CUL1: variants seen among roughly 807,000 people sequenced by gnomAD.
The protein encoded by CUL1 is cullin-1.
In CUL1, 24 loss-of-function variants were observed where a neutral mutation model predicts 118.0. The ratio of observed to expected loss-of-function variants is 0.20; its 90% CI spans 0.15 to 0.29. The LOEUF (loss-of-function observed/expected upper bound fraction) is 0.29, where lower values mean the gene tolerates loss of function less well. Ranked by LOEUF, CUL1 falls within the 10% of genes least tolerant of loss-of-function variation. The pLI, the probability that CUL1 is intolerant of heterozygous loss-of-function variation, is 1.00. For synonymous variants in CUL1, 332 were observed against 340.4 expected, an observed-to-expected ratio of 0.98 and a Z score of 0.27; for missense variants, 361 against 933.8, an observed-to-expected ratio of 0.39 and a Z score of 7.99.
In CUL1 at chr7:148,800,796, T is replaced by C; in HGVS notation, c.*214T>C. 2.0e-6 allele frequency: 1 copy of C among 487,856 alleles called. No individual in the cohort carries two copies. Among genetic ancestry groups the C allele is most frequent in the Admixed American group, 3.6e-5 (1 of 27,612 alleles). The allele number at this position is 487,856 out of a possible 1,614,324, so 30.2% of individuals were successfully genotyped here. ...TGTAAATACGGACACCAACGCCATT[T>C]ACCCTAATTTAAGAACAGCGGGGAC... On this transcript the variant is annotated 3_prime_UTR_variant, in exon 22 of 22. Transcript: ENST00000325222. This position sits in a 1 kb window ranked among gnomAD's most constrained non-coding sequence, Gnocchi z 4.6.
intron 9 of CUL1, among the ~76,000 whole-genome samples, 197 bp downstream of exon 9, chr7:148,767,946 G>A (rs557325706): frequency 2.0e-5 from 3 of 152,000 alleles, no homozygotes; most frequent in Non-Finnish European, 4.4e-5. Context: ...TTTTTCCCTC[G>A]CACTTTTTAG....
chr7:148,735,240 G>A (rs1798900096), intron 2 of CUL1, among the ~76,000 whole-genome samples: 1 of 152,212 alleles, frequency 6.6e-6, no homozygotes, highest in East Asian at 1.9e-4. Flanking sequence ...GGGGGTCGGG[G>A]CACTTTTTCA....
intron 2 of CUL1, among the ~76,000 whole-genome samples, chr7:148,737,387 A>G (rs1487613350): frequency 1.3e-5 from 2 of 151,944 alleles, no homozygotes; most frequent in African/African-American, 4.8e-5. Flanking sequence ...TTTGCTTTGT[A>G]TGGGATATTT....
At chr7:148,774,672 A>G (rs959722993) in intron 9 of CUL1, among the ~76,000 whole-genome samples, 1 of 152,162 alleles carries the variant, frequency 6.6e-6, no homozygotes, top group Non-Finnish European at 1.5e-5. Context: ...CCTCTTTGAA[A>G]CCATATCTTG....
chr7:148,748,297 T>C (rs1230312720), intron 2 of CUL1, among the ~76,000 whole-genome samples: 1 of 152,182 alleles, frequency 6.6e-6, no homozygotes, highest in Non-Finnish European at 1.5e-5. Context: ...TGTGGTGATT[T>C]ACAGTAGACA....
intron 2 of CUL1, among the ~76,000 whole-genome samples, chr7:148,741,427 A>G (rs1312583977): frequency 2.1e-5 from 3 of 143,468 alleles, no homozygotes; most frequent in Admixed American, 7.0e-5. Flanking sequence ...GTTGTGTTGT[A>G]TTTATTTATT....
upstream of CUL1, chr7:148,698,498 G>A (rs1394883489): frequency 1.3e-5 from 2 of 152,180 alleles, no homozygotes; most frequent in Admixed American, 6.5e-5. Flanking sequence ...GCGCCGGGTC[G>A]GGGATGTCTC....
intron 3 of CUL1, among the ~76,000 whole-genome samples, chr7:148,754,839 T>C (rs760761103): frequency 2.3e-4 from 35 of 152,152 alleles, no homozygotes; most frequent in Non-Finnish European, 4.1e-4. Flanking sequence ...CTCCAACTCC[T>C]GGGATCAAAC....
intron 20 of CUL1, 149 bp from the exon 21 acceptor site, chr7:148,799,126 C>T (rs1801305667): frequency 3.3e-6 from 2 of 602,546 alleles, no homozygotes; most frequent in Non-Finnish European, 2.9e-6. Context: ...GTTCCCTCTC[C>T]CGTCTCACCT....
intron 9 of CUL1, among the ~76,000 whole-genome samples, chr7:148,768,181 T>G (rs1800067820): frequency 6.6e-6 from 1 of 152,106 alleles, no homozygotes; most frequent in Non-Finnish European, 1.5e-5. Context: ...TTTATAGCAT[T>G]TCTCTACACC....
intron 7 of CUL1, 72 bp downstream of exon 7, chr7:148,760,568 A>G (rs1364031491): frequency 1.9e-6 from 2 of 1,079,092 alleles, no homozygotes; most frequent in African/African-American, 1.6e-5. Flanking sequence ...TCTTTTTAGC[A>G]TATACAGCTT....
intron 7 of CUL1, among the ~76,000 whole-genome samples, chr7:148,760,818 A>C (rs1799803955): frequency 6.6e-6 from 1 of 152,246 alleles, no homozygotes; most frequent in African/African-American, 2.4e-5. Context: ...AATTTTAAGA[A>C]ACAAATATTT....
intron 4 of CUL1, among the ~76,000 whole-genome samples, chr7:148,759,044 A>C (rs570010514): frequency 6.6e-5 from 10 of 152,352 alleles, no homozygotes; most frequent in African/African-American, 2.4e-4. Flanking sequence ...CGGTTTTTAA[A>C]CTTTTCCTAT....
At chr7:148,749,033 A>G (rs1045569860) in intron 2 of CUL1, among the ~76,000 whole-genome samples, 5 of 152,340 alleles carry the variant, frequency 3.3e-5, no homozygotes, top group African/African-American at 9.6e-5. Context: ...TGTAGTATGA[A>G]CATTTTATAT....
In CUL1 at chr7:148,787,244, C is replaced by CTT; in HGVS notation, c.1479+124_1479+125insTT. 1.1e-6 allele frequency: 1 copy of CTT among 894,540 alleles called. No individual in the cohort carries two copies. The highest frequency in any genetic ancestry group is 1.7e-6 in the Non-Finnish European group (1 of 596,468). The allele number at this position is 894,540 out of a possible 1,614,324, so 55.4% of individuals were successfully genotyped here. ...TTGGGAGGCCGAGGCGGGCAGATCA[C>CTT]GAGGTCAGGAGATCGAGACCATCCT... On this transcript the variant is annotated intron_variant, in intron 13 of 21. Transcript: ENST00000325222. This position sits in a 1 kb window ranked among gnomAD's most constrained non-coding sequence, Gnocchi z 5.5.
At position 148,730,004 on chromosome 7, in the gene CUL1, TC is replaced by T. The variant is rs1355628929; in HGVS notation, c.-117del. The T allele has an allele frequency of 5.3e-6, 6 of 1,136,282 alleles. No homozygotes were observed. The highest frequency in any genetic ancestry group is 6.2e-6 in the Non-Finnish European group (5 of 811,536). 70.4% of individuals were successfully genotyped at this position (1,136,282 alleles called of 1,614,324 possible). On this transcript the variant is annotated 5_prime_UTR_variant, in exon 2 of 22. It removes the in-frame stop codon of an upstream open reading frame in the 5' UTR. Transcript: ENST00000325222. ...TTTCATTCTCTACATTTAAAGGACA[TC>T]CTTTCTGAGCTGCTGTGAATAAATT...
chr7:148,766,730 C>A lies in CUL1; in HGVS notation c.952+7C>A, dbSNP rs779070481. On this transcript the variant is annotated splice_region_variant and intron_variant, in intron 8 of 21. Transcript: ENST00000325222. ...GATGCTGACAAAAATGAAGGTGAGC[C>A]ACAAGACTCATAAAATGTAGGTATT... The A allele has an allele frequency of 1.2e-6, 2 of 1,605,848 alleles. No individual in the cohort carries two copies. Among genetic ancestry groups the A allele is most frequent in the African/African-American group, 2.7e-5 (2 of 74,456 alleles).
chr7:148,743,154 A>T (rs1337421626), intron 2 of CUL1, among the ~76,000 whole-genome samples: 1 of 152,160 alleles, frequency 6.6e-6, no homozygotes, highest in African/African-American at 2.4e-5. Flanking sequence ...CCGTCCTTTT[A>T]AATGTATTGA....
chr7:148,794,967 G>C (rs1488448672), intron 17 of CUL1, among the ~76,000 whole-genome samples: 1 of 152,072 alleles, frequency 6.6e-6, no homozygotes, highest in African/African-American at 2.4e-5. Flanking sequence ...AAGTAGCTGG[G>C]ATTACAGGCG....
Sources: allele counts gnomAD v4.1 joint callset (sites outside exome capture counted in the v4.1 genomes callset), GRCh38; gene constraint gnomAD v4.1.1; non-coding constraint Gnocchi (gnomAD v3.1); transcripts MANE v1.5; gene names NCBI Gene and HGNC (gene_info 2026-07-23, HGNC 2026-07-21).